Variants in IFT122 observed in about 807,000 individuals in gnomAD.
The protein encoded by IFT122 is intraflagellar transport 122.
A neutral mutation model predicts 161.6 loss-of-function variants in IFT122; 118 were observed. The ratio of observed to expected loss-of-function variants is 0.73; its 90% CI spans 0.63 to 0.85. The LOEUF is 0.85. IFT122 is among the 40% of genes least tolerant of loss of function. The probability of loss-of-function intolerance (pLI) is 0.00; values close to 1 mark genes in which losing one functional copy is unlikely to be tolerated. For synonymous variants in IFT122, 550 were observed against 602.4 expected (o/e 0.91, Z 1.27); for missense variants, 1,381 against 1,579.6 (o/e 0.87, Z 2.13).
intron 7 of IFT122, among the ~76,000 whole-genome samples, chr3:129,466,265 A>G (rs919239380): frequency 6.6e-5 from 10 of 152,094 alleles, no homozygotes; most frequent in Non-Finnish European, 1.3e-4. Flanking sequence ...GAAGGTTATT[A>G]TGCTTCTTCC....
intron 26 of IFT122, among the ~76,000 whole-genome samples, chr3:129,517,268 G>GCACACACACACACA (rs777108020): frequency 6.8e-5 from 8 of 117,004 alleles, no homozygotes; most frequent in East Asian, 2.7e-4. Context: ...CATTGCTCCT[G>GCACACACACACACA]CACACACACA....
At chr3:129,513,851 C>T (rs1438597679) in intron 24 of IFT122, 1 of 259,988 alleles carries the variant, frequency 3.8e-6, no homozygotes, top group African/African-American at 2.3e-5. Context: ...GCTCGTCAGC[C>T]TCTGGCTGAG....
intron 15 of IFT122, 158 bp from the exon 16 acceptor site, chr3:129,488,099 G>A: frequency 8.9e-7 from 1 of 1,122,416 alleles, no homozygotes; most frequent in Non-Finnish European, 1.3e-6. Flanking sequence ...CACAGGGTGG[G>A]CTGGGCAGGC....
chr3:129,467,831 C>A lies in IFT122; in HGVS notation c.740+765C>A, dbSNP rs72988829. 2.3e-3 allele frequency among the ~76,000 whole-genome samples: 344 copies of A among 152,312 alleles called. 2 individuals are homozygous for A. The highest frequency in any genetic ancestry group is 7.7e-3 in the African/African-American group (320 of 41,566). ...CCTTGGAAGAATCCCACCCTGAGGTCATGGGGGCTGGGAAGTGGGGACCAG... is the reference window on the plus strand; with the variant it reads ...CCTTGGAAGAATCCCACCCTGAGGTAATGGGGGCTGGGAAGTGGGGACCAG... On this transcript the variant is annotated intron_variant, in intron 8 of 29. Transcript: ENST00000348417.
chr3:129,461,140 C>A, intron 4 of IFT122, 88 bp from the exon 5 acceptor site: 1 of 1,123,428 alleles, frequency 8.9e-7, no homozygotes, highest in Non-Finnish European at 1.4e-6. Context: ...AAGTCAGAGG[C>A]TGTGGGCTCA....
At chr3:129,490,213 A>G (rs2079896970) in intron 16 of IFT122, among the ~76,000 whole-genome samples, 1 of 152,190 alleles carries the variant, frequency 6.6e-6, no homozygotes, top group Non-Finnish European at 1.5e-5. Flanking sequence ...TCTATTGTGT[A>G]CAACATGCTG....
chr3:129,518,899 G>C (rs2084367364), intron 27 of IFT122, among the ~76,000 whole-genome samples: 1 of 152,362 alleles, frequency 6.6e-6, no homozygotes, highest in Non-Finnish European at 1.5e-5. Context: ...TATGGTGTGT[G>C]TGGCCTGCGA....
intron 1 of IFT122, among the ~76,000 whole-genome samples, chr3:129,443,173 T>TC (rs1204686522): frequency 6.6e-6 from 1 of 152,112 alleles, no homozygotes; most frequent in Non-Finnish European, 1.5e-5. Context: ...GATGAAGAAA[T>TC]TGAGATTTAA....
At chr3:129,471,360 A>G (rs72988839) in intron 9 of IFT122, among the ~76,000 whole-genome samples, 6,383 of 152,274 alleles carry the variant, frequency 0.042, 398 homozygotes, top group African/African-American at 0.13. Context: ...CTCTCATTTT[A>G]ATTAACTATC....
chr3:129,499,761 C>T (rs1260061557), intron 18 of IFT122, 141 bp from the exon 19 acceptor site: 3 of 920,660 alleles, frequency 3.3e-6, no homozygotes, highest in African/African-American at 1.6e-5. Context: ...CCCAACTCAG[C>T]CCCTCAGGGC....
At chr3:129,463,392 T>C (rs571359564) in intron 5 of IFT122, 168 bp from the exon 6 acceptor site, 6 of 611,146 alleles carry the variant, frequency 9.8e-6, no homozygotes, top group South Asian at 9.2e-5. Flanking sequence ...AAGAATGTTA[T>C]ATAAATGGAA....
chr3:129,496,987 A>G (rs943939151), intron 18 of IFT122, among the ~76,000 whole-genome samples: 3 of 152,178 alleles, frequency 2.0e-5, no homozygotes, highest in African/African-American at 7.2e-5. Flanking sequence ...TGCAGTAGAA[A>G]ATGCCTGACC....
intron 23 of IFT122, 34 bp downstream of exon 23, chr3:129,507,796 C>T: frequency 1.3e-6 from 2 of 1,518,850 alleles, no homozygotes; most frequent in Non-Finnish European, 1.8e-6. Flanking sequence ...CCTGAGGGTA[C>T]CATCTCCTGA....
chr3:129,517,515 T>G lies in IFT122; in HGVS notation c.3312T>G (p.Asp1104Glu). 6.2e-7 allele frequency: 1 copy of G among 1,614,026 alleles called. No homozygotes were observed. Among genetic ancestry groups the G allele is most frequent in the Non-Finnish European group, 8.5e-7 (1 of 1,179,928 alleles). The change falls in exon 27 of 30, where the codon GAT (aspartate) becomes GAG (glutamate). Residue 1104 changes from aspartate to glutamate, a missense_variant. Asp to Glu is a conservative substitution (Grantham distance 45). This residue lies in a region of IFT122 where 177 missense variants were observed against 199.2 expected (regional missense o/e 0.89). Transcript: ENST00000348417. ...VEFYLEEGIT[D>E]EEAISLIDLE... ...TCTACCTGGAGGAAGGGATCACTGATGAAGAAGCCATCTCCCTCATCGACC... is the reference window on the plus strand; with the variant it reads ...TCTACCTGGAGGAAGGGATCACTGAGGAAGAAGCCATCTCCCTCATCGACC...
At chr3:129,497,853 T>G (rs2081069802) in intron 18 of IFT122, among the ~76,000 whole-genome samples, 1 of 152,220 alleles carries the variant, frequency 6.6e-6, no homozygotes, top group African/African-American at 2.4e-5. Flanking sequence ...GAAAATTGCT[T>G]CCCAAGATTC....
intron 7 of IFT122, among the ~76,000 whole-genome samples, chr3:129,466,495 CTTTTTTTTTTTTT>C (rs527470540): frequency 0.18 from 18,750 of 102,794 alleles, 1,758 homozygotes; most frequent in South Asian, 0.32. Context: ...TATTTTTATT[CTTTTTTTTTTTTT>C]TTTTTTTTTT....
intron 18 of IFT122, among the ~76,000 whole-genome samples, chr3:129,499,496 A>G (rs971955072): frequency 1.3e-5 from 2 of 152,230 alleles, no homozygotes; most frequent in Non-Finnish European, 1.5e-5. Flanking sequence ...AGGTTGTCTC[A>G]TTGCTGTTTA....
intron 12 of IFT122, among the ~76,000 whole-genome samples, chr3:129,479,004 A>G (rs1022829192): frequency 2.6e-4 from 39 of 152,298 alleles, no homozygotes; most frequent in African/African-American, 8.7e-4. Context: ...CTTTGAGAGA[A>G]GGCTAGCCCA....
chr3:129,501,432 C>T (rs565137710), intron 19 of IFT122, among the ~76,000 whole-genome samples: 6 of 152,298 alleles, frequency 3.9e-5, no homozygotes, highest in Admixed American at 6.5e-5. Context: ...GGGCCCCTCA[C>T]AAAGGGACCT....
Sources: gnomAD v4.1 joint callset for allele counts (sites outside exome capture counted in the v4.1 genomes callset) on GRCh38, gnomAD v4.1.1 for gene constraint, gnomAD v4.1.1 regional missense constraint, MANE v1.5 for transcripts, NCBI Gene and HGNC (gene_info 2026-07-23, HGNC 2026-07-21) for gene names.